The following PHLPP1 variants were observed in gnomAD, a reference collection of about 807,000 sequenced individuals.
The protein encoded by PHLPP1 is PH domain leucine-rich repeat-containing protein phosphatase 1.
Under a neutral mutation model 117.2 loss-of-function variants are expected in PHLPP1, and 42 were observed. The observed-to-expected ratio is 0.36, with a 90% CI of 0.28 to 0.46. The LOEUF is 0.46. Among genes scored for constraint, PHLPP1 ranks in the 20% least tolerant of loss-of-function variants. The pLI, the probability that PHLPP1 is intolerant of heterozygous loss-of-function variation, is 1.00. For synonymous variants in PHLPP1, 1,042 were observed against 970.7 expected, an observed-to-expected ratio of 1.07 and a Z score of -1.37; for missense variants, 2,084 against 2,241.9, an observed-to-expected ratio of 0.93 and a Z score of 1.42.
At chr18:62,846,507 T>A (rs1339293598) in intron 3 of PHLPP1, among the ~76,000 whole-genome samples, 12 of 151,062 alleles carry the variant, frequency 7.9e-5, no homozygotes, top group Non-Finnish European at 8.8e-5. Flanking sequence ...TTTGCAAAGA[T>A]ACCCTGTAAA....
intron 1 of PHLPP1, among the ~76,000 whole-genome samples, chr18:62,754,662 G>A (rs1330525277): frequency 6.6e-6 from 1 of 152,190 alleles, no homozygotes; most frequent in Non-Finnish European, 1.5e-5. Flanking sequence ...AGGGAGGGCT[G>A]CTTAGCTATT....
At chr18:62,916,744 A>ATTTTTT (rs1909290526) in intron 9 of PHLPP1, among the ~76,000 whole-genome samples, 1 of 93,734 alleles carries the variant, frequency 1.1e-5, no homozygotes, top group African/African-American at 4.0e-5. Context: ...CTTTCCTTCT[A>ATTTTTT]TTCTTTTTTT....
intron 1 of PHLPP1, among the ~76,000 whole-genome samples, chr18:62,721,649 TCTC>T (rs1385369715): frequency 2.6e-5 from 4 of 152,210 alleles, no homozygotes; most frequent in African/African-American, 7.2e-5. Flanking sequence ...AGTAAGTTCT[TCTC>T]CTTGAATTTC....
intron 4 of PHLPP1, among the ~76,000 whole-genome samples, chr18:62,879,321 G>C (rs974387777): frequency 6.6e-6 from 1 of 152,148 alleles, no homozygotes; most frequent in African/African-American, 2.4e-5. Context: ...ACAGATGCCA[G>C]CATCTTGAAA....
At chr18:62,900,749 G>A (rs1916703946) in intron 6 of PHLPP1, among the ~76,000 whole-genome samples, 1 of 151,960 alleles carries the variant, frequency 6.6e-6, no homozygotes, top group South Asian at 2.1e-4. Context: ...ACCACACCCT[G>A]CCATAATATA....
intron 14 of PHLPP1, among the ~76,000 whole-genome samples, chr18:62,966,967 T>C (rs981539214): frequency 1.3e-5 from 2 of 152,226 alleles, no homozygotes; most frequent in African/African-American, 4.8e-5. Flanking sequence ...AACAGAATTA[T>C]ATAGTATATG....
intron 1 of PHLPP1, among the ~76,000 whole-genome samples, chr18:62,818,002 G>A (rs1395881876): frequency 6.6e-6 from 1 of 151,618 alleles, no homozygotes. Flanking sequence ...CTACAGGTGT[G>A]CACCACCACG....
At chr18:62,960,750 C>T (rs749986256) in intron 13 of PHLPP1, among the ~76,000 whole-genome samples, 4 of 152,180 alleles carry the variant, frequency 2.6e-5, no homozygotes, top group African/African-American at 4.8e-5. Context: ...AAGCAGTTGT[C>T]GTACGTATCA....
chr18:62,913,912 T>G (rs1404287018), intron 8 of PHLPP1, among the ~76,000 whole-genome samples: 3 of 151,930 alleles, frequency 2.0e-5, no homozygotes, highest in African/African-American at 7.3e-5. Flanking sequence ...CCCGGCTAAT[T>G]TTTGTATTTT....
chr18:62,797,077 A>G lies in PHLPP1; in HGVS notation c.1577-32958A>G, dbSNP rs1230414448. 3.9e-5 allele frequency among the ~76,000 whole-genome samples: 6 copies of G among 152,390 alleles called. No individual in the cohort carries two copies. The East Asian group carries it at 1.2e-3, about 29-fold the overall frequency. The stretch of plus-strand genomic sequence containing the variant: ...ATAATCAACATTGATCTTATTTCAT[A>G]TAAATCTTATTTCATATAAATCCTC... On this transcript the variant is annotated intron_variant, in intron 1 of 16. Transcript: ENST00000262719.
chr18:62,957,232 C>T (rs1277228927), intron 12 of PHLPP1, among the ~76,000 whole-genome samples: 1 of 152,196 alleles, frequency 6.6e-6, no homozygotes, highest in African/African-American at 2.4e-5. Flanking sequence ...TTCCCTGCTC[C>T]CTGAACACAA....
intron 1 of PHLPP1, among the ~76,000 whole-genome samples, chr18:62,815,281 C>T (rs113805223): frequency 0.027 from 4,141 of 151,924 alleles, 89 homozygotes; most frequent in Non-Finnish European, 0.042. Flanking sequence ...CCTCAGCCTC[C>T]GGAGTAGCTG....
At chr18:62,885,945 C>G (rs554049685) in intron 4 of PHLPP1, among the ~76,000 whole-genome samples, 3 of 152,268 alleles carry the variant, frequency 2.0e-5, no homozygotes, top group African/African-American at 7.2e-5. Context: ...ACTGATTGCT[C>G]TATTCTCTCA....
At chr18:62,731,523 C>G (rs1222267641) in intron 1 of PHLPP1, among the ~76,000 whole-genome samples, 1 of 152,152 alleles carries the variant, frequency 6.6e-6, no homozygotes, top group Non-Finnish European at 1.5e-5. Context: ...CTCCCTATTC[C>G]CTGAGACACA....
At chr18:62,962,985 G>A (rs918142386) in intron 13 of PHLPP1, among the ~76,000 whole-genome samples, 1 of 152,140 alleles carries the variant, frequency 6.6e-6, no homozygotes, top group Non-Finnish European at 1.5e-5. Flanking sequence ...GTGTTTTGTT[G>A]TTGTTCTTTC....
intron 1 of PHLPP1, among the ~76,000 whole-genome samples, chr18:62,780,566 G>A (rs145041862): frequency 1.4e-4 from 21 of 152,192 alleles, no homozygotes; most frequent in Non-Finnish European, 2.5e-4. Context: ...GTTCCATTCC[G>A]TGTTCTGTAG....
intron 4 of PHLPP1, among the ~76,000 whole-genome samples, chr18:62,886,623 C>G (rs756488067): frequency 6.6e-6 from 1 of 152,134 alleles, no homozygotes; most frequent in African/African-American, 2.4e-5. Flanking sequence ...AAGGAGACTT[C>G]AGGTTTGTTT....
At chr18:62,794,715 AC>A (rs1271385451) in intron 1 of PHLPP1, among the ~76,000 whole-genome samples, 1 of 152,162 alleles carries the variant, frequency 6.6e-6, no homozygotes, top group Non-Finnish European at 1.5e-5. Flanking sequence ...AATTTAAAGA[AC>A]TAGCTTTTTT....
chr18:62,881,965 G>C (rs1436368746), intron 4 of PHLPP1, among the ~76,000 whole-genome samples: 3 of 152,174 alleles, frequency 2.0e-5, no homozygotes, highest in African/African-American at 7.2e-5. Context: ...TGTTTCTCAT[G>C]CCATTGCCAC....
Sources: allele counts gnomAD v4.1 joint callset (sites outside exome capture counted in the v4.1 genomes callset), GRCh38; gene constraint gnomAD v4.1.1; transcripts MANE v1.5; gene names NCBI Gene and HGNC (gene_info 2026-07-23, HGNC 2026-07-21).